Variants in FBXL7 observed in about 807,000 individuals in gnomAD.
The protein encoded by FBXL7 is F-box/LRR-repeat protein 7.
FBXL7 carries 12 observed loss-of-function variants against 38.3 expected under a neutral mutation model. The ratio of observed to expected loss-of-function variants is 0.31; its 90% CI spans 0.20 to 0.51. FBXL7 has a LOEUF of 0.51. FBXL7 is among the 20% of genes least tolerant of loss of function. FBXL7 has a pLI of 0.98. For synonymous variants in FBXL7, 297 were observed against 300.9 expected, an observed-to-expected ratio of 0.99 and a Z score of 0.13; for missense variants, 567 against 676.4, an observed-to-expected ratio of 0.84 and a Z score of 1.79.
intron 2 of FBXL7, among the ~76,000 whole-genome samples, chr5:15,626,570 G>GTGTGTGTGTC: frequency 6.6e-6 from 1 of 152,122 alleles, no homozygotes; most frequent in East Asian, 1.9e-4. Context: ...GTGTGTGTGT[G>GTGTGTGTGTC]TGTATGTGTA....
chr5:15,936,761 C>A lies in FBXL7; in HGVS notation c.1051C>A (p.Arg351Ser), dbSNP rs532860622. ...GCGGGAGATCGCCAAGCTGGAGTCC[C>A]GCCTGCGGTACCTGAGCATCGCGCA... ...GLREIAKLES[R>S]LRYLSIAHCG... The change falls in exon 4 of 4, where the codon CGC (arginine) becomes AGC (serine). Residue 351 changes from arginine to serine, a missense_variant. By Grantham distance (110) the Arg-to-Ser change is moderately radical (BLOSUM62 -1). Coordinates refer to ENST00000504595, the MANE Select transcript of FBXL7 (RefSeq NM_012304.5). The surrounding 1 kb of genome is among the most constrained non-coding windows in gnomAD (Gnocchi z 6.0). 1.9e-6 allele frequency: 3 copies of A among 1,610,340 alleles called. No individual in the cohort carries two copies. Among genetic ancestry groups the A allele is most frequent in the Admixed American group, 3.3e-5 (2 of 59,824 alleles).
At chr5:15,726,360 T>A (rs1034562124) in intron 2 of FBXL7, among the ~76,000 whole-genome samples, 11 of 152,032 alleles carry the variant, frequency 7.2e-5, no homozygotes, top group Non-Finnish European at 1.0e-4. Flanking sequence ...CCAGATTGTA[T>A]TGTGCTATGA....
chr5:15,689,099 G>A (rs1743101646), intron 2 of FBXL7, among the ~76,000 whole-genome samples: 1 of 152,152 alleles, frequency 6.6e-6, no homozygotes, highest in South Asian at 2.1e-4. Flanking sequence ...CACCTAGCGG[G>A]AACTCCAACG....
At chr5:15,883,988 G>C (rs1245324012) in intron 2 of FBXL7, among the ~76,000 whole-genome samples, 1 of 152,148 alleles carries the variant, frequency 6.6e-6, no homozygotes, top group Non-Finnish European at 1.5e-5. Flanking sequence ...AAACCAGACT[G>C]AGAGGGTACA....
At chr5:15,823,671 G>A (rs773694297) in intron 2 of FBXL7, among the ~76,000 whole-genome samples, 50 of 152,086 alleles carry the variant, frequency 3.3e-4, no homozygotes, top group Non-Finnish European at 1.9e-4. Context: ...ACCCAGACCT[G>A]CCCTCCTGTG....
At chr5:15,595,644 A>T (rs1466648459) in intron 1 of FBXL7, among the ~76,000 whole-genome samples, 1 of 152,220 alleles carries the variant, frequency 6.6e-6, no homozygotes, top group Non-Finnish European at 1.5e-5. Flanking sequence ...GTGTTAATTC[A>T]TAGAAAATCT....
intron 2 of FBXL7, among the ~76,000 whole-genome samples, chr5:15,926,579 G>A (rs1465936112): frequency 6.6e-6 from 1 of 151,940 alleles, no homozygotes; most frequent in African/African-American, 2.4e-5. Flanking sequence ...AAAAGAGAGA[G>A]GAAATGAGCC....
chr5:15,578,378 T>G (rs1202700234), intron 1 of FBXL7, among the ~76,000 whole-genome samples: 3 of 152,142 alleles, frequency 2.0e-5, no homozygotes, highest in African/African-American at 7.2e-5. Context: ...AGACATGATC[T>G]CAAAGAAAAA....
chr5:15,812,617 CT>C (rs2126754614), intron 2 of FBXL7, among the ~76,000 whole-genome samples: 1 of 152,166 alleles, frequency 6.6e-6, no homozygotes, highest in Non-Finnish European at 1.5e-5. Context: ...TATCCGGGGT[CT>C]TTTTTGGTTC....
intron 2 of FBXL7, among the ~76,000 whole-genome samples, chr5:15,763,570 C>G (rs572289839): frequency 6.6e-6 from 1 of 152,040 alleles, no homozygotes; most frequent in Admixed American, 6.6e-5. Context: ...GAAAGGAAAT[C>G]CATAATAGCA....
At chr5:15,553,731 G>A (rs983450269) in intron 1 of FBXL7, among the ~76,000 whole-genome samples, 2 of 152,118 alleles carry the variant, frequency 1.3e-5, no homozygotes, top group Non-Finnish European at 2.9e-5. Flanking sequence ...GAAAAAAAAA[G>A]GTACACAGGG....
chr5:15,710,956 A>C (rs1743844342), intron 2 of FBXL7, among the ~76,000 whole-genome samples: 1 of 152,184 alleles, frequency 6.6e-6, no homozygotes, highest in African/African-American at 2.4e-5. Flanking sequence ...AACCTGGTGG[A>C]AGATAATTGA....
intron 1 of FBXL7, among the ~76,000 whole-genome samples, chr5:15,548,442 G>A (rs1004217652): frequency 1.8e-4 from 27 of 152,316 alleles, no homozygotes; most frequent in African/African-American, 6.3e-4. Flanking sequence ...TACAGGTCCT[G>A]GGTAGTAAGG....
chr5:15,770,076 C>T (rs1263934126), intron 2 of FBXL7, among the ~76,000 whole-genome samples: 2 of 152,134 alleles, frequency 1.3e-5, no homozygotes, highest in Non-Finnish European at 2.9e-5. Flanking sequence ...GAATCACAGA[C>T]TATTAAAGCC....
chr5:15,791,177 G>A (rs1737268186), intron 2 of FBXL7, among the ~76,000 whole-genome samples: 1 of 151,986 alleles, frequency 6.6e-6, no homozygotes, highest in African/African-American at 2.4e-5. Flanking sequence ...GAGGACTTAT[G>A]TTAAACCTGA....
intron 2 of FBXL7, among the ~76,000 whole-genome samples, chr5:15,867,130 T>C (rs1018468993): frequency 6.6e-6 from 1 of 152,228 alleles, no homozygotes; most frequent in Non-Finnish European, 1.5e-5. Context: ...TCCTTTAGGA[T>C]AAAGTTTCAG....
intron 1 of FBXL7, among the ~76,000 whole-genome samples, chr5:15,566,381 C>T (rs1027656299): frequency 2.0e-5 from 3 of 152,120 alleles, no homozygotes; most frequent in African/African-American, 7.2e-5. Context: ...CTGTCTTCTT[C>T]TGTTTTATTT....
chr5:15,884,171 T>G (rs1740578254), intron 2 of FBXL7, among the ~76,000 whole-genome samples: 1 of 152,240 alleles, frequency 6.6e-6, no homozygotes, highest in African/African-American at 2.4e-5. Flanking sequence ...ACATGGCCAC[T>G]GGGAGAGAAG....
intron 2 of FBXL7, among the ~76,000 whole-genome samples, chr5:15,689,002 C>T (rs1233031834): frequency 1.5e-5 from 2 of 136,648 alleles, no homozygotes; most frequent in Non-Finnish European, 3.3e-5. Context: ...AAAGACAGAG[C>T]CAGTGAATCA....
Sources: allele counts gnomAD v4.1 joint callset (sites outside exome capture counted in the v4.1 genomes callset), GRCh38; gene constraint gnomAD v4.1.1; non-coding constraint Gnocchi (gnomAD v3.1); transcripts MANE v1.5; gene names NCBI Gene and HGNC (gene_info 2026-07-23, HGNC 2026-07-21).